SDK1: variants seen among roughly 807,000 people sequenced by gnomAD.
SDK1 encodes the protein protein sidekick-1.
SDK1 carries 157 observed loss-of-function variants against 245.5 expected under a neutral mutation model. The observed-to-expected ratio is 0.64, with a 90% CI of 0.56 to 0.73. SDK1 has a LOEUF of 0.73. SDK1 is among the 30% of genes least tolerant of loss of function. The pLI is 0.00. For missense variants in SDK1, 3,583 were observed against 3,002.3 expected, an observed-to-expected ratio of 1.19 and a Z score of -4.52; for synonymous variants, 1,647 against 1,278.5, an observed-to-expected ratio of 1.29 and a Z score of -6.15.
intron 4 of SDK1, among the ~76,000 whole-genome samples, chr7:3,654,366 T>A (rs2128656960): frequency 6.6e-6 from 1 of 152,326 alleles, no homozygotes; most frequent in Admixed American, 6.5e-5. Flanking sequence ...GTCTGCAGAC[T>A]GCTGATGAGC....
intron 1 of SDK1, among the ~76,000 whole-genome samples, chr7:3,477,655 C>A (rs1001888343): frequency 6.6e-6 from 1 of 151,730 alleles, no homozygotes; most frequent in Non-Finnish European, 1.5e-5. Context: ...GCTGGGACTT[C>A]AGCACACACT....
intron 17 of SDK1, among the ~76,000 whole-genome samples, chr7:4,043,156 G>A (rs1788760835): frequency 1.3e-5 from 2 of 151,708 alleles, no homozygotes; most frequent in South Asian, 4.2e-4. Context: ...AGAGACCCAG[G>A]TAGAGTGAGT....
At chr7:3,941,574 GA>G (rs1780368860) in intron 5 of SDK1, among the ~76,000 whole-genome samples, 1 of 152,026 alleles carries the variant, frequency 6.6e-6, no homozygotes, top group Non-Finnish European at 1.5e-5. Context: ...CTGACTGGGG[GA>G]TGCCTATCCA....
rs116270410 is a variant in SDK1 at position 3,747,886 on chromosome 7, A to G, written c.714-73564A>G. Among the ~76,000 whole-genome samples the G allele has an allele frequency of 1.3e-3, 200 of 152,138 alleles. 2 individuals are homozygous for G. Among genetic ancestry groups the G allele is most frequent in the African/African-American group, 4.7e-3 (195 of 41,504 alleles). On this transcript the variant is annotated intron_variant, in intron 4 of 44. Transcript: ENST00000404826. ...AGAGGACATGACGGGGTGAAAGGTA[A>G]CTCTGGAGATATAGGAAGGGGTCAC...
chr7:3,365,345 G>A (rs920229136), intron 1 of SDK1, among the ~76,000 whole-genome samples: 1 of 152,084 alleles, frequency 6.6e-6, no homozygotes, highest in African/African-American at 2.4e-5. Flanking sequence ...TCCTTTTAGG[G>A]GAGAATAATT....
chr7:3,444,310 A>G (rs539852153), intron 1 of SDK1, among the ~76,000 whole-genome samples: 2 of 152,252 alleles, frequency 1.3e-5, no homozygotes, highest in East Asian at 3.9e-4. Flanking sequence ...TTGGATGTCT[A>G]CCAGACATCC....
intron 5 of SDK1, among the ~76,000 whole-genome samples, chr7:3,894,130 C>T (rs1012331297): frequency 6.6e-6 from 1 of 152,132 alleles, no homozygotes; most frequent in East Asian, 1.9e-4. Flanking sequence ...GCATTTCCAT[C>T]GTTGCAGTTG....
At chr7:4,133,829 C>A (rs1250044787) in intron 28 of SDK1, among the ~76,000 whole-genome samples, 7 of 152,288 alleles carry the variant, frequency 4.6e-5, no homozygotes, top group Non-Finnish European at 1.0e-4. Flanking sequence ...ATACCAGACA[C>A]CCCGATTCGG....
chr7:3,303,333 C>G (rs1326323106), intron 1 of SDK1, among the ~76,000 whole-genome samples: 1 of 152,066 alleles, frequency 6.6e-6, no homozygotes, highest in Non-Finnish European at 1.5e-5. Flanking sequence ...ATTAAGTTTT[C>G]TTTTTTTAAA....
In SDK1 at chr7:4,155,772, T is replaced by C. The variant is rs1047079688; in HGVS notation, c.4626-2676T>C. Among the ~76,000 whole-genome samples the C allele has an allele frequency of 2.6e-5, 4 of 152,204 alleles. 1 individual carries two copies. The highest frequency in any genetic ancestry group is 9.6e-5 in the African/African-American group (4 of 41,518). On this transcript the variant is annotated intron_variant, in intron 30 of 44. Transcript: ENST00000404826. ...CATCCTTATTCAATCCTTCCACCCA[T>C]AGATCTGAGCACCTCCTGGGTGTTC...
chr7:3,449,813 C>T (rs137926617), intron 1 of SDK1, among the ~76,000 whole-genome samples: 1 of 152,312 alleles, frequency 6.6e-6, no homozygotes, highest in Non-Finnish European at 1.5e-5. Flanking sequence ...TTGTGAGGCT[C>T]TGGGGAATAA....
chr7:4,019,141 G>A (rs1457243456), intron 17 of SDK1, among the ~76,000 whole-genome samples: 1 of 152,092 alleles, frequency 6.6e-6, no homozygotes, highest in African/African-American at 2.4e-5. Context: ...AGTGGGACTG[G>A]GTATAAAAAC....
chr7:3,365,301 A>C (rs369124521), intron 1 of SDK1, among the ~76,000 whole-genome samples: 1 of 152,294 alleles, frequency 6.6e-6, no homozygotes, highest in East Asian at 1.9e-4. Flanking sequence ...GTGCTTTTCT[A>C]ACACCTGGAA....
chr7:3,733,374 G>C (rs1379291868), intron 4 of SDK1, among the ~76,000 whole-genome samples: 1 of 152,166 alleles, frequency 6.6e-6, no homozygotes, highest in African/African-American at 2.4e-5. Context: ...TCATTCATTA[G>C]AGACTATCTT....
chr7:3,947,790 C>G (rs572869152), intron 5 of SDK1, among the ~76,000 whole-genome samples: 154 of 151,966 alleles, frequency 1.0e-3, no homozygotes, highest in African/African-American at 3.7e-3. Context: ...AAAAGCTCAT[C>G]TGTTGTAGCA....
At chr7:3,321,564 A>G (rs1038556022) in intron 1 of SDK1, among the ~76,000 whole-genome samples, 3 of 152,206 alleles carry the variant, frequency 2.0e-5, no homozygotes, top group East Asian at 1.9e-4. Flanking sequence ...CCCAACAGTT[A>G]AAGACATTTT....
At chr7:4,236,973 C>T (rs777168867) in intron 41 of SDK1, among the ~76,000 whole-genome samples, 22 of 152,072 alleles carry the variant, frequency 1.4e-4, no homozygotes, top group Non-Finnish European at 2.6e-4. Context: ...GTGCTGTGAT[C>T]GTGGCTCACT....
At chr7:3,395,044 G>A (rs1329667389) in intron 1 of SDK1, among the ~76,000 whole-genome samples, 1 of 152,020 alleles carries the variant, frequency 6.6e-6, no homozygotes, top group Non-Finnish European at 1.5e-5. Flanking sequence ...GAATAGAGGA[G>A]ATGAGAGTGG....
intron 1 of SDK1, among the ~76,000 whole-genome samples, chr7:3,596,370 G>A (rs1375100206): frequency 6.6e-6 from 1 of 152,194 alleles, no homozygotes; most frequent in African/African-American, 2.4e-5. Flanking sequence ...CAGTCATTGT[G>A]GTAAAGTTGC....
Sources: gnomAD v4.1 joint callset for allele counts (sites outside exome capture counted in the v4.1 genomes callset) on GRCh38, gnomAD v4.1.1 for gene constraint, MANE v1.5 for transcripts, NCBI Gene and HGNC (gene_info 2026-07-23, HGNC 2026-07-21) for gene names.